TENM3: variants seen among roughly 807,000 people sequenced by gnomAD.
TENM3 encodes the protein teneurin transmembrane protein 3.
A neutral mutation model predicts 255.1 loss-of-function variants in TENM3; 63 were observed. The ratio of observed to expected loss-of-function variants is 0.25; its 90% CI spans 0.20 to 0.30. The LOEUF is 0.30. Among genes scored for constraint, TENM3 ranks in the 10% least tolerant of loss-of-function variants. The probability of loss-of-function intolerance (pLI) is 1.00; values close to 1 mark genes in which losing one functional copy is unlikely to be tolerated. For synonymous variants in TENM3, 1,306 were observed against 1,322.3 expected (o/e 0.99, Z 0.27); for missense variants, 2,929 against 3,461.1 (o/e 0.85, Z 3.86).
At chr4:181,582,772 C>G in the TENM3 span, among the ~76,000 whole-genome samples, 6 of 152,096 alleles carry the variant, frequency 3.9e-5, no homozygotes, top group South Asian at 1.2e-3. Flanking sequence ...AGCCGCCAGG[C>G]TGCACAAGGA....
At chr4:182,203,813 A>G (rs1754364012) in intron 1 of TENM3, among the ~76,000 whole-genome samples, 1 of 152,228 alleles carries the variant, frequency 6.6e-6, no homozygotes, top group Non-Finnish European at 1.5e-5. Flanking sequence ...GCTGCTGAAT[A>G]TCACCATTGC....
the TENM3 span, among the ~76,000 whole-genome samples, chr4:181,460,765 T>C: frequency 6.6e-6 from 1 of 151,474 alleles, no homozygotes; most frequent in African/African-American, 2.4e-5. Context: ...ACTTCACATT[T>C]CAGGTAAGAA....
the TENM3 span, among the ~76,000 whole-genome samples, chr4:181,893,275 A>C: frequency 2.6e-5 from 4 of 152,270 alleles, no homozygotes; most frequent in South Asian, 8.3e-4. Context: ...CTCCAGGCAA[A>C]AATACAGAAC....
chr4:181,819,173 G>A, the TENM3 span, among the ~76,000 whole-genome samples: 1 of 151,892 alleles, frequency 6.6e-6, no homozygotes, highest in Admixed American at 6.6e-5. Context: ...CACACCTGTG[G>A]GATTGCCTTC....
chr4:181,786,476 A>G, the TENM3 span, among the ~76,000 whole-genome samples: 1 of 152,282 alleles, frequency 6.6e-6, no homozygotes, highest in East Asian at 1.9e-4. Flanking sequence ...TGGACACTAA[A>G]GAAGGTGAGG....
At chr4:182,310,408 G>A (rs368239957) in intron 1 of TENM3, among the ~76,000 whole-genome samples, 2 of 152,078 alleles carry the variant, frequency 1.3e-5, no homozygotes, top group African/African-American at 2.4e-5. Flanking sequence ...CTTCTTCTAC[G>A]TAGACGTCAG....
the TENM3 span, among the ~76,000 whole-genome samples, chr4:182,054,585 A>C: frequency 6.6e-6 from 1 of 152,194 alleles, no homozygotes; most frequent in Admixed American, 6.5e-5. Context: ...ATTTAAAAAT[A>C]ACTAAAAGAA....
chr4:181,794,666 CTGTGTGTG>C, the TENM3 span, among the ~76,000 whole-genome samples: 4 of 142,998 alleles, frequency 2.8e-5, no homozygotes, highest in Admixed American at 1.4e-4. Flanking sequence ...AATAATATCC[CTGTGTGTG>C]TGTGTGTGTG....
chr4:181,679,214 G>A, the TENM3 span, among the ~76,000 whole-genome samples: 1 of 152,086 alleles, frequency 6.6e-6, no homozygotes, highest in African/African-American at 2.4e-5. Flanking sequence ...CAGCCATTCT[G>A]TACCTCACTG....
rs1340158931 is a variant in TENM3 at position 182,550,589 on chromosome 4, T to TA, written c.512-50331dup. Among the ~76,000 whole-genome samples, 9 of 152,316 alleles carry TA rather than the reference T, an allele frequency of 5.9e-5. No homozygotes were observed. The East Asian group carries it at 1.7e-3, about 29-fold the overall frequency. On this transcript the variant is annotated intron_variant, in intron 3 of 27. Transcript: ENST00000511685. ...TAATTCTTAGCCTCTGAAGCTTGCT[T>TA]AAAATATTTCTTTTTGGGTTTTCTG...
chr4:182,004,098 A>AAAAAC, the TENM3 span, among the ~76,000 whole-genome samples: 1,516 of 152,192 alleles, frequency 1.0e-2, 27 homozygotes, highest in African/African-American at 0.034. Context: ...TTTCTTCTAA[A>AAAAAC]AAAACAAAAC....
At chr4:182,058,716 C>T in the TENM3 span, among the ~76,000 whole-genome samples, 1 of 151,852 alleles carries the variant, frequency 6.6e-6, no homozygotes, top group Non-Finnish European at 1.5e-5. Context: ...ATATTTTTAT[C>T]GAATTTATTT....
intron 1 of TENM3, among the ~76,000 whole-genome samples, chr4:182,167,745 G>A (rs776553287): frequency 3.7e-4 from 56 of 152,102 alleles, no homozygotes; most frequent in Middle Eastern, 3.4e-3. Context: ...GTGCAGGGGT[G>A]CATGCCTGTA....
At chr4:181,732,946 A>G in the TENM3 span, among the ~76,000 whole-genome samples, 1 of 152,350 alleles carries the variant, frequency 6.6e-6, no homozygotes, top group African/African-American at 2.4e-5. Flanking sequence ...AAAAGTCAGC[A>G]AAGACCCGTT....
the TENM3 span, among the ~76,000 whole-genome samples, chr4:181,491,318 C>T: frequency 2.0e-5 from 3 of 151,888 alleles, no homozygotes; most frequent in Non-Finnish European, 4.4e-5. Context: ...AAAATGAAGT[C>T]ATAATTCATC....
intron 1 of TENM3, among the ~76,000 whole-genome samples, chr4:182,321,681 C>G (rs1361671534): frequency 6.6e-6 from 1 of 151,256 alleles, no homozygotes; most frequent in East Asian, 2.0e-4. Flanking sequence ...AGTGGTGGCT[C>G]ATGCCTGTAA....
the TENM3 span, among the ~76,000 whole-genome samples, chr4:181,775,831 A>G: frequency 6.6e-6 from 1 of 152,170 alleles, no homozygotes; most frequent in African/African-American, 2.4e-5. Context: ...GGGTACATGT[A>G]ATATTTTGTT....
the TENM3 span, among the ~76,000 whole-genome samples, chr4:181,987,105 G>T: frequency 6.6e-6 from 1 of 152,024 alleles, no homozygotes; most frequent in Admixed American, 6.6e-5. Flanking sequence ...ACCTGAACCT[G>T]GTTCCCTTCA....
At chr4:181,545,602 G>T in the TENM3 span, among the ~76,000 whole-genome samples, 10 of 152,138 alleles carry the variant, frequency 6.6e-5, no homozygotes, top group Non-Finnish European at 1.3e-4. Flanking sequence ...AGAGGAAATT[G>T]AAGTGTATTA....
Sources: gnomAD v4.1 joint callset for allele counts (sites outside exome capture counted in the v4.1 genomes callset) on GRCh38, gnomAD v4.1.1 for gene constraint, MANE v1.5 for transcripts, NCBI Gene and HGNC (gene_info 2026-07-23, HGNC 2026-07-21) for gene names.